Variants in PXDN observed in about 807,000 individuals in gnomAD.
PXDN encodes the protein peroxidasin, also known as peroxidasin homolog.
Under a neutral mutation model 140.3 loss-of-function variants are expected in PXDN, and 77 were observed. The observed-to-expected ratio is 0.55, with a 90% CI of 0.46 to 0.66. PXDN has a LOEUF of 0.66. PXDN is among the 30% of genes least tolerant of loss of function. The pLI is 0.00. For missense variants in PXDN, 1,838 were observed against 2,039.5 expected (o/e 0.90, Z 1.90); for synonymous variants, 911 against 857.4 (o/e 1.06, Z -1.09).
At chr2:1,705,059 A>T (rs541557348) in intron 1 of PXDN, among the ~76,000 whole-genome samples, 1 of 152,266 alleles carries the variant, frequency 6.6e-6, no homozygotes, top group South Asian at 2.1e-4. Context: ...AAAAGACAAC[A>T]GTACTAAGAG....
chr2:1,680,156 G>C, intron 7 of PXDN, 37 bp downstream of exon 7: 1 of 1,505,226 alleles, frequency 6.6e-7, no homozygotes, highest in Non-Finnish European at 8.9e-7. Context: ...TAGATGGTGT[G>C]AGTGTGTGGA....
At chr2:1,727,540 A>G (rs1219148829) in intron 1 of PXDN, among the ~76,000 whole-genome samples, 1 of 152,206 alleles carries the variant, frequency 6.6e-6, no homozygotes, top group Admixed American at 6.5e-5. Flanking sequence ...CCAGGACCCC[A>G]GCTCAAGGCT....
In PXDN at chr2:1,654,447, C is replaced by T. The variant is rs757964544; in HGVS notation, c.1899G>A (p.Ala633=). 39 of 1,613,688 alleles carry T rather than the reference C, an allele frequency of 2.4e-5. No individual in the cohort carries two copies. The highest frequency in any genetic ancestry group is 1.1e-4 in the African/African-American group (8 of 74,910). Residue 633 remains alanine, a synonymous_variant, in exon 15 of 23, where the codon GCG becomes GCA. Coordinates refer to ENST00000252804, the MANE Select transcript of PXDN (RefSeq NM_012293.3). ...TTGAGTTTATAGCTCTGTCAACAGTCGCAATCGCTTCCACGATGGAGGTAG... is the reference window on the plus strand; with the variant it reads ...TTGAGTTTATAGCTCTGTCAACAGTTGCAATCGCTTCCACGATGGAGGTAG... ...FVATSIVEAI[A]TVDRAINSTR... is the part of the protein sequence containing the mutation.
chr2:1,732,360 A>C (rs1031768944), intron 1 of PXDN, among the ~76,000 whole-genome samples: 1 of 152,188 alleles, frequency 6.6e-6, no homozygotes, highest in African/African-American at 2.4e-5. Context: ...TGAGCTGCAC[A>C]AACTGCCCAC....
chr2:1,726,768 T>TAA (rs1308395610), intron 1 of PXDN, among the ~76,000 whole-genome samples: 4 of 152,208 alleles, frequency 2.6e-5, no homozygotes, highest in African/African-American at 9.6e-5. Context: ...TCTTGTTGAT[T>TAA]ATTTCCTTGG....
rs757764240 is a variant in PXDN, at chr2:1,673,772, G to A, written c.889C>T (p.Leu297=). The change falls in exon 9 of 23, where the codon CTG becomes TTG. Residue 297 remains leucine, a synonymous_variant. Coordinates refer to ENST00000252804, the MANE Select transcript of PXDN (RefSeq NM_012293.3). ...TGGATCATCAGGGTCCCATCGTCCA[G>A]CAAGTTTAGGCGGGAATCTGTCTTC... ...SMKTDSRLNL[L]DDGTLMIQNT... 2 of 1,613,986 alleles carry A rather than the reference G, an allele frequency of 1.2e-6. No homozygotes were observed. The highest frequency in any genetic ancestry group is 4.5e-5 in the East Asian group (2 of 44,872).
chr2:1,738,976 A>T (rs1296309663), intron 1 of PXDN, among the ~76,000 whole-genome samples: 1 of 152,180 alleles, frequency 6.6e-6, no homozygotes. Flanking sequence ...CTGCCCGGAC[A>T]ATGCAACACC....
At chr2:1,641,287 G>T (rs1682721980) in intron 19 of PXDN, among the ~76,000 whole-genome samples, 1 of 152,094 alleles carries the variant, frequency 6.6e-6, no homozygotes, top group Non-Finnish European at 1.5e-5. Context: ...ATGTAGCTGG[G>T]ATTACAGGTG....
Position 1,651,845 on chromosome 2 carries a change from G to A in PXDN, c.2104+1783C>T, listed in dbSNP as rs1683021282. On this transcript the variant is annotated intron_variant, in intron 16 of 22. Coordinates refer to ENST00000252804, the MANE Select transcript of PXDN (RefSeq NM_012293.3). This position sits in a 1 kb window ranked among gnomAD's most constrained non-coding sequence, Gnocchi z 4.4. ...GGGGCCTCTCTCTGGTTTTCCATCTGCATTTCTCTGGAAGGTCTGATCTTT... is the reference window on the plus strand; with the variant it reads ...GGGGCCTCTCTCTGGTTTTCCATCTACATTTCTCTGGAAGGTCTGATCTTT... Among the ~76,000 whole-genome samples the A allele has an allele frequency of 6.6e-6, 1 of 152,210 alleles. No individual in the cohort carries two copies. Among genetic ancestry groups the A allele is most frequent in the African/African-American group, 2.4e-5 (1 of 41,456 alleles).
intron 17 of PXDN, among the ~76,000 whole-genome samples, chr2:1,647,308 A>G (rs1002287441): frequency 1.3e-5 from 2 of 152,216 alleles, no homozygotes; most frequent in Non-Finnish European, 2.9e-5. Flanking sequence ...GAGCCGCTGA[A>G]TGTCTCCACT....
Position 1,680,339 on chromosome 2 carries a change from T to C in PXDN, c.584A>G (p.His195Arg). ...KRLRLDSNTL[H>R]CDCEILWLAD... ...CAACCACAGGATTTCACAGTCGCAG[T>C]GAAGTGTGTTTGAGTCCAGTCGCCT... Residue 195 changes from histidine (H) to arginine (R), a missense_variant, in exon 7 of 23, where the codon CAC becomes CGC. His to Arg is a conservative substitution (Grantham distance 29). Coordinates refer to ENST00000252804, the MANE Select transcript of PXDN (RefSeq NM_012293.3). The C allele has an allele frequency of 3.1e-6, 5 of 1,613,980 alleles. No homozygotes were observed. Among genetic ancestry groups the C allele is most frequent in the Non-Finnish European group, 4.2e-6 (5 of 1,179,874 alleles).
intron 17 of PXDN, chr2:1,645,832 G>A (rs12614181): frequency 0.27 from 40,513 of 152,392 alleles, 5,756 homozygotes; most frequent in South Asian, 0.39. Context: ...TGCTCCGGGC[G>A]GCTCCTGCTC....
chr2:1,651,725 G>T lies in PXDN; in HGVS notation c.2104+1903C>A, dbSNP rs1018841476. Among the ~76,000 whole-genome samples, 1 of 152,248 alleles carries T rather than the reference G, an allele frequency of 6.6e-6. No homozygotes were observed. The highest frequency in any genetic ancestry group is 1.9e-4 in the East Asian group (1 of 5,172). On this transcript the variant is annotated intron_variant, in intron 16 of 22. Transcript: ENST00000252804. This position sits in a 1 kb window ranked among gnomAD's most constrained non-coding sequence, Gnocchi z 4.4. ...GGGTCCCTGCTCACGTGTCACCTTC[G>T]CCCATGGGGAACAGCACCCCATCCC...
chr2:1,655,197 A>T (rs912215542), intron 14 of PXDN, among the ~76,000 whole-genome samples: 2 of 151,532 alleles, frequency 1.3e-5, no homozygotes, highest in East Asian at 3.9e-4. Context: ...CACACATGTC[A>T]CATTATACAC....
At chr2:1,703,714 G>GC (rs1212771487) in intron 1 of PXDN, among the ~76,000 whole-genome samples, 1 of 158 alleles carries the variant, frequency 6.3e-3, no homozygotes, top group Non-Finnish European at 0.015. Context: ...TCCAGGTGAA[G>GC]GGGGGGCAAC....
intron 1 of PXDN, among the ~76,000 whole-genome samples, chr2:1,716,965 C>T (rs1354458296): frequency 2.0e-5 from 3 of 152,212 alleles, no homozygotes; most frequent in African/African-American, 4.8e-5. Context: ...CCCATCCAGC[C>T]CCATGTCCCC....
intron 4 of PXDN, 75 bp from the exon 5 acceptor site, chr2:1,684,226 T>G: frequency 1.6e-6 from 2 of 1,267,968 alleles, no homozygotes; most frequent in South Asian, 2.6e-5. Flanking sequence ...CCAAATTTTT[T>G]TCCTAGTCAT....
chr2:1,697,693 C>T (rs1050882687), intron 1 of PXDN, among the ~76,000 whole-genome samples: 5 of 152,182 alleles, frequency 3.3e-5, no homozygotes, highest in Admixed American at 6.5e-5. Flanking sequence ...CCTGGGGCTC[C>T]GTGCTCCCAC....
chr2:1,696,654 T>C (rs1312892748), intron 1 of PXDN, among the ~76,000 whole-genome samples: 2 of 152,216 alleles, frequency 1.3e-5, no homozygotes, highest in Non-Finnish European at 2.9e-5. Context: ...TTCATCTGCA[T>C]GTGTGTGTGT....
Sources: allele counts gnomAD v4.1 joint callset (sites outside exome capture counted in the v4.1 genomes callset), GRCh38; gene constraint gnomAD v4.1.1; non-coding constraint Gnocchi (gnomAD v3.1); transcripts MANE v1.5; gene names NCBI Gene and HGNC (gene_info 2026-07-23, HGNC 2026-07-21).